BMP7: variants seen among roughly 807,000 people sequenced by gnomAD.
BMP7 encodes osteogenic protein 1.
A neutral mutation model predicts 41.2 loss-of-function variants in BMP7; 12 were observed. That is an observed-to-expected ratio of 0.29 (90% CI 0.19 to 0.47). The LOEUF is 0.47. BMP7 is among the 20% of genes least tolerant of loss of function. The pLI, the probability that BMP7 is intolerant of heterozygous loss-of-function variation, is 0.99. For synonymous variants in BMP7, 248 were observed against 250.0 expected (o/e 0.99, Z 0.07); for missense variants, 467 against 606.0 (o/e 0.77, Z 2.41).
chr20:57,195,145 C>T (rs1005949765), intron 3 of BMP7, among the ~76,000 whole-genome samples: 4 of 152,188 alleles, frequency 2.6e-5, no homozygotes, highest in South Asian at 2.1e-4. Flanking sequence ...AGGAACCCAG[C>T]GAACTCTGCG....
intron 1 of BMP7, among the ~76,000 whole-genome samples, chr20:57,248,139 G>A (rs1189480524): frequency 6.6e-6 from 1 of 152,190 alleles, no homozygotes; most frequent in East Asian, 1.9e-4. Context: ...ACTATCATCT[G>A]GAGGCTTTGG....
intron 1 of BMP7, among the ~76,000 whole-genome samples, chr20:57,264,541 C>T (rs2066166782): frequency 6.6e-6 from 1 of 152,204 alleles, no homozygotes; most frequent in South Asian, 2.1e-4. Flanking sequence ...CCCCGGCCCT[C>T]GCTGCAGCCC....
chr20:57,180,463 C>G (rs572126223), intron 4 of BMP7, among the ~76,000 whole-genome samples: 17 of 152,280 alleles, frequency 1.1e-4, no homozygotes, highest in African/African-American at 3.4e-4. Context: ...TCGCTCGCCA[C>G]GAAATGTTGT....
chr20:57,193,897 C>G (rs1386739236), intron 3 of BMP7, among the ~76,000 whole-genome samples: 1 of 152,212 alleles, frequency 6.6e-6, no homozygotes, highest in East Asian at 1.9e-4. Flanking sequence ...CAGACCTTTG[C>G]TCCGATGGTC....
chr20:57,207,381 A>G (rs1984756528), intron 2 of BMP7, among the ~76,000 whole-genome samples: 1 of 152,252 alleles, frequency 6.6e-6, no homozygotes, highest in Admixed American at 6.5e-5. Context: ...ATCAGTGACT[A>G]CAGCAGATAC....
intron 2 of BMP7, among the ~76,000 whole-genome samples, chr20:57,221,230 G>A (rs184708843): frequency 5.9e-5 from 9 of 152,258 alleles, no homozygotes; most frequent in East Asian, 3.9e-4. Flanking sequence ...CCAAGTCCGT[G>A]CAACTTCCGA....
intron 3 of BMP7, among the ~76,000 whole-genome samples, chr20:57,187,696 C>T (rs543921400): frequency 9.2e-5 from 14 of 152,214 alleles, no homozygotes; most frequent in Non-Finnish European, 1.3e-4. Flanking sequence ...GAACAGAGAC[C>T]GGGTCTCTCC....
chr20:57,236,696 T>C (rs2066048974), intron 1 of BMP7, among the ~76,000 whole-genome samples: 1 of 151,886 alleles, frequency 6.6e-6, no homozygotes, highest in South Asian at 2.1e-4. Context: ...CCAGGGACCA[T>C]TCACTGGATT....
intron 3 of BMP7, among the ~76,000 whole-genome samples, chr20:57,200,203 A>C (rs1266970891): frequency 6.6e-6 from 1 of 152,212 alleles, no homozygotes; most frequent in African/African-American, 2.4e-5. Flanking sequence ...AGCTCATCTA[A>C]TCCCTCACAA....
chr20:57,197,551 C>G (rs984467278), intron 3 of BMP7, among the ~76,000 whole-genome samples: 1 of 152,156 alleles, frequency 6.6e-6, no homozygotes, highest in African/African-American at 2.4e-5. Flanking sequence ...CCCAGATCTA[C>G]ACCTGGGAGT....
chr20:57,177,509 AGCTAAT>A (rs1983957911), intron 4 of BMP7, among the ~76,000 whole-genome samples: 1 of 151,944 alleles, frequency 6.6e-6, no homozygotes, highest in East Asian at 1.9e-4. Flanking sequence ...CACCATGCCC[AGCTAAT>A]TTTTGTATTT....
intron 4 of BMP7, among the ~76,000 whole-genome samples, chr20:57,178,700 G>GT (rs1029524851): frequency 6.6e-6 from 1 of 152,096 alleles, no homozygotes; most frequent in African/African-American, 2.4e-5. Context: ...CCTCTTCCCT[G>GT]TGGGGGGGTA....
rs1380508535 is a variant in BMP7, at chr20:57,170,651, G to A, written c.*308C>T. On this transcript the variant is annotated 3_prime_UTR_variant, in exon 7 of 7. Coordinates refer to ENST00000395863, the MANE Select transcript of BMP7 (RefSeq NM_001719.3). ...GGCGCTCATAATTACCTCTGGAAACGAGTCCGTGCATGGCTGAGACTTCCC... is the reference window on the plus strand; with the variant it reads ...GGCGCTCATAATTACCTCTGGAAACAAGTCCGTGCATGGCTGAGACTTCCC... 1.3e-5 allele frequency: 5 copies of A among 375,602 alleles called. No individual in the cohort carries two copies. The highest frequency in any genetic ancestry group is 7.5e-5 in the Admixed American group (2 of 26,620). The allele number at this position is 375,602 out of a possible 1,614,324, so 23.3% of individuals were successfully genotyped here.
intron 1 of BMP7, among the ~76,000 whole-genome samples, chr20:57,236,820 T>C (rs984043018): frequency 4.6e-5 from 7 of 151,414 alleles, no homozygotes; most frequent in Non-Finnish European, 1.0e-4. Flanking sequence ...ATGAAAGATA[T>C]TTGTATCCAT....
intron 3 of BMP7, among the ~76,000 whole-genome samples, chr20:57,189,786 A>G (rs1600732689): frequency 1.3e-5 from 2 of 152,328 alleles, no homozygotes; most frequent in South Asian, 2.1e-4. Context: ...GCAACTGTTT[A>G]TTGAGCACCT....
At chr20:57,198,093 C>A (rs573329820) in intron 3 of BMP7, among the ~76,000 whole-genome samples, 29 of 135,016 alleles carry the variant, frequency 2.1e-4, no homozygotes, top group Admixed American at 2.1e-3. Context: ...CTCTCCTCTC[C>A]CCCTTCTCTC....
chr20:57,243,857 T>A (rs1276980353), intron 1 of BMP7: 1 of 152,338 alleles, frequency 6.6e-6, no homozygotes, highest in Non-Finnish European at 1.5e-5. Context: ...GTGAGAGACC[T>A]GCTGACCTGT....
At chr20:57,235,699 G>T (rs1158962497) in intron 1 of BMP7, among the ~76,000 whole-genome samples, 3 of 152,112 alleles carry the variant, frequency 2.0e-5, no homozygotes, top group Non-Finnish European at 4.4e-5. Flanking sequence ...CAAGAAACAG[G>T]GCATGCTGGG....
At chr20:57,260,960 G>A (rs2066151928) in intron 1 of BMP7, among the ~76,000 whole-genome samples, 1 of 152,208 alleles carries the variant, frequency 6.6e-6, no homozygotes, top group Non-Finnish European at 1.5e-5. Flanking sequence ...AGATGGGGAA[G>A]GGTGGAGACG....
Sources: allele counts gnomAD v4.1 joint callset (sites outside exome capture counted in the v4.1 genomes callset), GRCh38; gene constraint gnomAD v4.1.1; transcripts MANE v1.5; gene names NCBI Gene and HGNC (gene_info 2026-07-23, HGNC 2026-07-21).